Variants in SPMIP2 observed in about 807,000 individuals in gnomAD.
SPMIP2 encodes sperm microtubule inner protein 2.
the SPMIP2 span, chr4:158,905,074 C>A: frequency 6.5e-6 from 1 of 153,046 alleles, no homozygotes; most frequent in Non-Finnish European, 1.5e-5. Context: ...CCACATTGTG[C>A]CATCTTCAGC....
chr4:158,911,516 G>A, the SPMIP2 span, among the ~76,000 whole-genome samples: 2 of 152,096 alleles, frequency 1.3e-5, no homozygotes, highest in Non-Finnish European at 2.9e-5. Context: ...AAAGGTGCTA[G>A]GTTATTGTCT....
the SPMIP2 span, among the ~76,000 whole-genome samples, chr4:158,928,930 A>G: frequency 1.2e-4 from 19 of 152,152 alleles, no homozygotes; most frequent in African/African-American, 3.9e-4. Flanking sequence ...CGGAAGGAAG[A>G]AACTCTGAAC....
chr4:158,996,411 G>C, the SPMIP2 span, among the ~76,000 whole-genome samples: 3 of 152,080 alleles, frequency 2.0e-5, no homozygotes, highest in African/African-American at 7.2e-5. Context: ...GGTATAGTCA[G>C]TTTTATTATA....
chr4:158,984,542 T>A, the SPMIP2 span, among the ~76,000 whole-genome samples: 2 of 151,734 alleles, frequency 1.3e-5, no homozygotes, highest in African/African-American at 4.8e-5. Flanking sequence ...ACTGGGTACA[T>A]AACGAAACCA....
At chr4:158,947,232 G>A in the SPMIP2 span, among the ~76,000 whole-genome samples, 1 of 152,016 alleles carries the variant, frequency 6.6e-6, no homozygotes, top group Non-Finnish European at 1.5e-5. Context: ...ACAGAAAACT[G>A]TCCAGATTTA....
the SPMIP2 span, among the ~76,000 whole-genome samples, chr4:158,945,503 G>C: frequency 1.3e-5 from 2 of 152,218 alleles, no homozygotes; most frequent in African/African-American, 4.8e-5. Context: ...ACATGGAAGA[G>C]ACCATTTGGA....
the SPMIP2 span, among the ~76,000 whole-genome samples, chr4:159,003,197 A>G: frequency 6.6e-6 from 1 of 152,172 alleles, no homozygotes; most frequent in African/African-American, 2.4e-5. Flanking sequence ...TTTACAGCAC[A>G]TCATTTCCTT....
chr4:158,920,306 A>G, the SPMIP2 span, among the ~76,000 whole-genome samples: 1 of 152,146 alleles, frequency 6.6e-6, no homozygotes, highest in East Asian at 1.9e-4. Context: ...GAACAGAATA[A>G]CAGCAATTTT....
chr4:158,913,134 ACT>A, the SPMIP2 span, among the ~76,000 whole-genome samples: 1 of 152,256 alleles, frequency 6.6e-6, no homozygotes, highest in Non-Finnish European at 1.5e-5. Flanking sequence ...AGACGTGATA[ACT>A]CAATGTAATA....
chr4:158,895,726 T>C, the SPMIP2 span: 1 of 1,438,176 alleles, frequency 7.0e-7, no homozygotes, highest in Non-Finnish European at 9.8e-7. Context: ...CTAGCCCTCA[T>C]TGTGAATGTT....
the SPMIP2 span, among the ~76,000 whole-genome samples, chr4:159,035,905 C>T: frequency 2.6e-5 from 4 of 152,188 alleles, no homozygotes; most frequent in African/African-American, 4.8e-5. Flanking sequence ...CTTTTTAACT[C>T]ACCACTTCAA....
the SPMIP2 span, among the ~76,000 whole-genome samples, chr4:158,934,367 C>T: frequency 6.6e-6 from 1 of 152,104 alleles, no homozygotes; most frequent in Admixed American, 6.5e-5. Flanking sequence ...GAGGCTGAGG[C>T]ATAAGAATTG....
the SPMIP2 span, among the ~76,000 whole-genome samples, chr4:158,993,252 A>G: frequency 6.6e-6 from 1 of 152,100 alleles, no homozygotes; most frequent in Non-Finnish European, 1.5e-5. Context: ...GGGTAGTCCC[A>G]GCTCCTCAGG....
the SPMIP2 span, among the ~76,000 whole-genome samples, chr4:159,023,141 C>T: frequency 3.9e-5 from 6 of 152,194 alleles, no homozygotes; most frequent in South Asian, 1.2e-3. Context: ...GCTCAGAGAT[C>T]TTGTTAAATA....
chr4:158,945,658 C>T, the SPMIP2 span, among the ~76,000 whole-genome samples: 6 of 152,102 alleles, frequency 3.9e-5, no homozygotes, highest in East Asian at 1.9e-4. Context: ...CATCGCTGGG[C>T]GGATGAACAG....
the SPMIP2 span, among the ~76,000 whole-genome samples, chr4:159,040,232 T>C: frequency 0.34 from 51,416 of 151,650 alleles, 9,172 homozygotes; most frequent in East Asian, 0.64. Flanking sequence ...AGTGCAGTGG[T>C]GTGCTCTTGG....
the SPMIP2 span, among the ~76,000 whole-genome samples, chr4:158,927,349 A>C: frequency 6.6e-6 from 1 of 152,070 alleles, no homozygotes; most frequent in Non-Finnish European, 1.5e-5. Flanking sequence ...TTTTACTTTC[A>C]CTTTATGTGT....
the SPMIP2 span, among the ~76,000 whole-genome samples, chr4:158,983,382 A>C: frequency 6.6e-6 from 1 of 151,746 alleles, no homozygotes; most frequent in Non-Finnish European, 1.5e-5. Context: ...AGTTGAAATG[A>C]AGGAAAAAAT....
At chr4:158,985,538 G>A in the SPMIP2 span, among the ~76,000 whole-genome samples, 1 of 152,162 alleles carries the variant, frequency 6.6e-6, no homozygotes, top group African/African-American at 2.4e-5. Flanking sequence ...AAAACCAGAT[G>A]ATTATCTCAA....
Sources: allele counts gnomAD v4.1 joint callset (sites outside exome capture counted in the v4.1 genomes callset), GRCh38; gene constraint gnomAD v4.1.1; transcripts MANE v1.5; gene names NCBI Gene and HGNC (gene_info 2026-07-23, HGNC 2026-07-21).